Variants in NTM observed in about 807,000 individuals in gnomAD.
NTM encodes the protein IgLON family member 2.
A neutral mutation model predicts 42.1 loss-of-function variants in NTM; 13 were observed. That is an observed-to-expected ratio of 0.31 (90% confidence interval 0.20 to 0.49). The LOEUF (loss-of-function observed/expected upper bound fraction) is 0.49, where lower values mean the gene tolerates loss of function less well. Ranked by LOEUF, NTM falls within the 20% of genes least tolerant of loss-of-function variation. The pLI, the probability that NTM is intolerant of heterozygous loss-of-function variation, is 0.99. For missense variants in NTM, 373 were observed against 452.8 expected, an observed-to-expected ratio of 0.82 and a Z score of 1.60; for synonymous variants, 187 against 179.2, an observed-to-expected ratio of 1.04 and a Z score of -0.35.
intron 1 of NTM, among the ~76,000 whole-genome samples, chr11:131,633,768 T>TCCCTCTCTCTCCCCCCCTCTCTCTCC (rs1565355350): frequency 2.0e-5 from 1 of 50,206 alleles, no homozygotes; most frequent in Non-Finnish European, 5.4e-5. Context: ...TCTCTCTCCC[T>TCCCTCTCTCTCCCCCCCTCTCTCTCC]CTCTCTCTCT....
At chr11:131,873,970 T>TTA (rs2048176144) in intron 1 of NTM, among the ~76,000 whole-genome samples, 1 of 113,644 alleles carries the variant, frequency 8.8e-6, no homozygotes, top group Admixed American at 1.1e-4. Flanking sequence ...TATATATATA[T>TTA]TATATATTAT....
chr11:131,673,038 G>A (rs111831956), intron 1 of NTM, among the ~76,000 whole-genome samples: 186 of 139,790 alleles, frequency 1.3e-3, no homozygotes, highest in African/African-American at 5.6e-3. Context: ...AGAAGACCAC[G>A]GTGCCGGGGT....
At chr11:132,282,914 T>C (rs1591723712) in intron 4 of NTM, among the ~76,000 whole-genome samples, 2 of 151,066 alleles carry the variant, frequency 1.3e-5, no homozygotes, top group South Asian at 4.2e-4. Flanking sequence ...AACAACTTTA[T>C]CAACATGTGT....
intron 8 of NTM, 36 bp downstream of exon 8, chr11:132,330,221 G>A: frequency 6.5e-7 from 1 of 1,538,714 alleles, no homozygotes; most frequent in Non-Finnish European, 8.8e-7. Flanking sequence ...TGCCTTGGTG[G>A]GTGTGGGGTA....
chr11:131,944,117 G>A (rs1463574176), intron 2 of NTM, among the ~76,000 whole-genome samples: 1 of 152,088 alleles, frequency 6.6e-6, no homozygotes, highest in Non-Finnish European at 1.5e-5. Context: ...CAACCTATGT[G>A]ACACTGATAT....
intron 1 of NTM, 45 bp downstream of exon 1, chr11:131,370,933 T>A: frequency 6.2e-7 from 1 of 1,607,982 alleles, no homozygotes; most frequent in Non-Finnish European, 8.5e-7. Flanking sequence ...CCAGGAATTG[T>A]ACAGTGTGCT....
At chr11:131,759,236 G>A (rs1189220039) in intron 1 of NTM, among the ~76,000 whole-genome samples, 1 of 152,126 alleles carries the variant, frequency 6.6e-6, no homozygotes, top group Non-Finnish European at 1.5e-5. Context: ...CTGTTCACAG[G>A]CATATTTATA....
chr11:131,697,679 T>A (rs1425558255), intron 1 of NTM, among the ~76,000 whole-genome samples: 1 of 152,238 alleles, frequency 6.6e-6, no homozygotes, highest in African/African-American at 2.4e-5. Context: ...AAACTCTATA[T>A]ACTAGGAATG....
At chr11:131,374,801 T>A (rs1941741382) in intron 1 of NTM, among the ~76,000 whole-genome samples, 1 of 152,172 alleles carries the variant, frequency 6.6e-6, no homozygotes, top group African/African-American at 2.4e-5. Flanking sequence ...AATTTCTGAA[T>A]CAATATGGGG....
At chr11:131,884,995 G>C (rs888352660) in intron 1 of NTM, among the ~76,000 whole-genome samples, 6 of 152,144 alleles carry the variant, frequency 3.9e-5, no homozygotes, top group African/African-American at 1.4e-4. Flanking sequence ...CAGCATTACA[G>C]CTGGGTAACA....
intron 1 of NTM, among the ~76,000 whole-genome samples, chr11:131,397,990 T>G (rs946834043): frequency 1.6e-4 from 24 of 152,222 alleles, no homozygotes; most frequent in African/African-American, 5.5e-4. Context: ...TGTGTAAAAT[T>G]TATTCTTTCA....
intron 2 of NTM, among the ~76,000 whole-genome samples, chr11:131,939,579 G>A (rs990661243): frequency 2.0e-5 from 3 of 152,088 alleles, no homozygotes; most frequent in Admixed American, 1.3e-4. Flanking sequence ...GCGCTGGAGA[G>A]CAGAGGTGAG....
intron 1 of NTM, among the ~76,000 whole-genome samples, chr11:131,649,920 C>T (rs117835450): frequency 5.3e-5 from 8 of 152,290 alleles, no homozygotes; most frequent in Non-Finnish European, 8.8e-5. Flanking sequence ...TAATGACCTG[C>T]CCATAGGTCA....
intron 1 of NTM, among the ~76,000 whole-genome samples, chr11:131,885,993 G>T (rs1359055923): frequency 6.6e-6 from 1 of 152,106 alleles, no homozygotes; most frequent in African/African-American, 2.4e-5. Flanking sequence ...ATTAATACCT[G>T]GAAGATTAAG....
chr11:132,172,612 A>G (rs1022836080), intron 3 of NTM, among the ~76,000 whole-genome samples: 3 of 152,198 alleles, frequency 2.0e-5, no homozygotes, highest in Non-Finnish European at 4.4e-5. Context: ...GCCATGATTC[A>G]TGCCAACTCC....
At chr11:131,639,626 G>A (rs559395247) in intron 1 of NTM, among the ~76,000 whole-genome samples, 96 of 152,130 alleles carry the variant, frequency 6.3e-4, no homozygotes, top group African/African-American at 2.2e-3. Flanking sequence ...AAGACCTCTC[G>A]GGCCCTGTCT....
intron 2 of NTM, among the ~76,000 whole-genome samples, chr11:132,074,553 G>T (rs1485147445): frequency 6.6e-6 from 1 of 150,682 alleles, no homozygotes; most frequent in African/African-American, 2.4e-5. Context: ...TTTTTTTTTA[G>T]GATTAAGAGA....
intron 1 of NTM, among the ~76,000 whole-genome samples, chr11:131,874,038 T>TAATATATATATATAATAATATAATATA (rs1478538013): frequency 3.1e-5 from 1 of 32,034 alleles, no homozygotes; most frequent in Non-Finnish European, 4.7e-5. Context: ...ATAATATATA[T>TAATATATATATATAATAATATAATATA]ATATATATAT....
chr11:131,408,202 A>C (rs1946017411), intron 1 of NTM, among the ~76,000 whole-genome samples: 1 of 151,790 alleles, frequency 6.6e-6, no homozygotes, highest in South Asian at 2.1e-4. Flanking sequence ...AATGGCCAAC[A>C]CCCTCCCCGG....
Sources: allele counts gnomAD v4.1 joint callset (sites outside exome capture counted in the v4.1 genomes callset), GRCh38; gene constraint gnomAD v4.1.1; transcripts MANE v1.5; gene names NCBI Gene and HGNC (gene_info 2026-07-23, HGNC 2026-07-21).